The following PTPRK variants were observed in gnomAD, a reference collection of about 807,000 sequenced individuals.
The protein encoded by PTPRK is receptor-type tyrosine-protein phosphatase kappa.
PTPRK carries 75 observed loss-of-function variants against 178.0 expected under a neutral mutation model. That is an observed-to-expected ratio of 0.42 (90% CI 0.35 to 0.51). PTPRK has a LOEUF of 0.51. PTPRK is among the 20% of genes least tolerant of loss of function. PTPRK has a pLI of 0.02. For synonymous variants in PTPRK, 637 were observed against 620.6 expected, an observed-to-expected ratio of 1.03 and a Z score of -0.39; for missense variants, 1,441 against 1,797.8, an observed-to-expected ratio of 0.80 and a Z score of 3.59.
chr6:128,374,109 C>T (rs1183799966), intron 2 of PTPRK, among the ~76,000 whole-genome samples: 1 of 152,056 alleles, frequency 6.6e-6, no homozygotes, highest in Non-Finnish European at 1.5e-5. Flanking sequence ...ATCATTCTAC[C>T]CTAAGTTCAC....
chr6:128,468,998 A>T (rs934446396), intron 1 of PTPRK, among the ~76,000 whole-genome samples: 4 of 151,780 alleles, frequency 2.6e-5, no homozygotes, highest in Non-Finnish European at 5.9e-5. Context: ...AGAAGTTCCC[A>T]TTGATAAAGA....
chr6:128,064,869 A>G, intron 12 of PTPRK, 75 bp from the exon 13 acceptor site: 1 of 1,452,828 alleles, frequency 6.9e-7, no homozygotes, highest in Non-Finnish European at 9.0e-7. Flanking sequence ...TATAATTATT[A>G]TGAAGATCCA....
chr6:128,185,711 T>A (rs1211948703), intron 6 of PTPRK, among the ~76,000 whole-genome samples: 1 of 152,098 alleles, frequency 6.6e-6, no homozygotes, highest in Non-Finnish European at 1.5e-5. Flanking sequence ...CATAAACTAT[T>A]AAAACACAAC....
intron 7 of PTPRK, among the ~76,000 whole-genome samples, chr6:128,114,383 G>A (rs1026480339): frequency 2.0e-5 from 3 of 151,808 alleles, no homozygotes; most frequent in Non-Finnish European, 4.4e-5. Context: ...TTTCAGAGGC[G>A]GAGGTGGGCG....
At position 128,520,474 on chromosome 6, in the gene PTPRK, G is replaced by GCCGC. The variant is rs1858894661; in HGVS notation, c.-120_-117dup. 6 of 922,148 alleles carry GCCGC rather than the reference G, an allele frequency of 6.5e-6. No homozygotes were observed. The highest frequency in any genetic ancestry group is 5.4e-5 in the East Asian group (2 of 37,072). The allele number at this position is 922,148 out of a possible 1,614,324, so 57.1% of individuals were successfully genotyped here. ...GCGGGGTGAGGACGGTGAGAGGACAGCCGCCCGCCCGCCCTTTTTCCTTCT... is the reference window on the plus strand; with the variant it reads ...GCGGGGTGAGGACGGTGAGAGGACAGCCGCCCGCCCGCCCGCCCTTTTTCCTTCT... On this transcript the variant is annotated 5_prime_UTR_variant, in exon 1 of 30. Coordinates refer to ENST00000368226, the MANE Select transcript of PTPRK (RefSeq NM_002844.4).
chr6:128,239,924 T>C, intron 5 of PTPRK, 111 bp downstream of exon 5: 1 of 716,698 alleles, frequency 1.4e-6, no homozygotes, highest in South Asian at 2.0e-5. Flanking sequence ...TACATGCGTG[T>C]GCACACGCAC....
At chr6:128,127,573 G>A (rs557203069) in intron 7 of PTPRK, among the ~76,000 whole-genome samples, 3 of 152,134 alleles carry the variant, frequency 2.0e-5, no homozygotes, top group Non-Finnish European at 4.4e-5. Flanking sequence ...TTATGACCTA[G>A]GATTTTATGT....
chr6:128,039,425 C>G (rs1318959396), intron 13 of PTPRK, among the ~76,000 whole-genome samples: 1 of 152,056 alleles, frequency 6.6e-6, no homozygotes, highest in Non-Finnish European at 1.5e-5. Context: ...GAAATGCCCA[C>G]ATTAAGTAAA....
rs562540583 is a variant in PTPRK at position 128,148,427 on chromosome 6, T to C, written c.1162+36005A>G. On this transcript the variant is annotated intron_variant, in intron 7 of 29. Transcript: ENST00000368226. Reference sequence around the variant, plus strand: ...ATTCCAGATAGTAATAATAATAATATATACTTCTTCCCTCAAAGAATGTCT... The same window carrying C: ...ATTCCAGATAGTAATAATAATAATACATACTTCTTCCCTCAAAGAATGTCT... Among the ~76,000 whole-genome samples the C allele has an allele frequency of 2.6e-5, 4 of 152,228 alleles. No homozygotes were observed. In the South Asian group the frequency reaches 8.3e-4, roughly 32 times the overall value.
At chr6:128,106,019 C>G (rs1051146978) in intron 7 of PTPRK, among the ~76,000 whole-genome samples, 2 of 152,178 alleles carry the variant, frequency 1.3e-5, no homozygotes, top group Admixed American at 1.3e-4. Flanking sequence ...CCTTAGTGAA[C>G]AGGCTGTGGA....
At chr6:128,228,097 C>G (rs757196610) in intron 5 of PTPRK, among the ~76,000 whole-genome samples, 3 of 147,936 alleles carry the variant, frequency 2.0e-5, no homozygotes, top group Non-Finnish European at 4.5e-5. Flanking sequence ...TGCACATGTA[C>G]CCCAGAACTT....
chr6:127,973,910 CAAAT>C, intron 27 of PTPRK, 83 bp from the exon 28 acceptor site: 4 of 1,334,528 alleles, frequency 3.0e-6, no homozygotes, highest in South Asian at 2.8e-5. Flanking sequence ...ATTTACAATA[CAAAT>C]GGCATCTACA....
intron 7 of PTPRK, among the ~76,000 whole-genome samples, chr6:128,148,523 G>C (rs1025958915): frequency 2.6e-5 from 4 of 152,032 alleles, no homozygotes; most frequent in African/African-American, 9.7e-5. Flanking sequence ...ATCCTCTTTT[G>C]ACAGGAAAAG....
chr6:128,481,271 A>G lies in PTPRK; in HGVS notation c.100+38988T>C, dbSNP rs531144987. On this transcript the variant is annotated intron_variant, in intron 1 of 29. Transcript: ENST00000368226. Reference sequence around the variant, plus strand: ...ATATGTGGCCAATTATTTAGGTTCAACTGTTAACTGGCCACTTCCCTTACC... The same window carrying G: ...ATATGTGGCCAATTATTTAGGTTCAGCTGTTAACTGGCCACTTCCCTTACC... Among the ~76,000 whole-genome samples, 18 of 152,266 alleles carry G rather than the reference A, an allele frequency of 1.2e-4. No homozygotes were observed. In the South Asian group the frequency reaches 3.5e-3, roughly 30 times the overall value.
At chr6:128,048,816 G>A (rs1354051068) in intron 13 of PTPRK, among the ~76,000 whole-genome samples, 1 of 151,862 alleles carries the variant, frequency 6.6e-6, no homozygotes, top group Non-Finnish European at 1.5e-5. Flanking sequence ...TGGTATCCTC[G>A]GGGTCCCGGG....
At chr6:128,223,403 A>C (rs918642237) in intron 5 of PTPRK, among the ~76,000 whole-genome samples, 1 of 152,100 alleles carries the variant, frequency 6.6e-6, no homozygotes, top group Non-Finnish European at 1.5e-5. Flanking sequence ...AAGCTATTTC[A>C]GAAATAATTA....
chr6:128,484,229 A>G (rs1385351753), intron 1 of PTPRK, among the ~76,000 whole-genome samples: 1 of 152,192 alleles, frequency 6.6e-6, no homozygotes, highest in Non-Finnish European at 1.5e-5. Context: ...GACAGACTAA[A>G]GTACAGTGAT....
chr6:127,979,629 G>A (rs563949435), intron 25 of PTPRK, among the ~76,000 whole-genome samples: 38 of 152,316 alleles, frequency 2.5e-4, no homozygotes, highest in Middle Eastern at 3.4e-3. Flanking sequence ...CAGCAAGGAC[G>A]AGAGCCTGCC....
intron 1 of PTPRK, among the ~76,000 whole-genome samples, chr6:128,408,742 T>C (rs746438560): frequency 1.6e-4 from 25 of 152,312 alleles, no homozygotes; most frequent in Non-Finnish European, 3.2e-4. Context: ...GCAAAATGTC[T>C]ATGGGTCTTT....
Sources: allele counts gnomAD v4.1 joint callset (sites outside exome capture counted in the v4.1 genomes callset), GRCh38; gene constraint gnomAD v4.1.1; transcripts MANE v1.5; gene names NCBI Gene and HGNC (gene_info 2026-07-23, HGNC 2026-07-21).